VTI1A: variants seen among roughly 807,000 people sequenced by gnomAD.
VTI1A encodes vesicle transport through interaction with t-SNAREs homolog 1A.
In VTI1A, 22 loss-of-function variants were observed where a neutral mutation model predicts 34.9. The observed-to-expected ratio is 0.63, with a 90% confidence interval of 0.45 to 0.90. VTI1A has a LOEUF of 0.90. Ranked by LOEUF, VTI1A falls within the 40% of genes least tolerant of loss-of-function variation. The pLI is 0.00. For missense variants in VTI1A, 268 were observed against 275.6 expected (o/e 0.97, Z 0.20); for synonymous variants, 87 against 97.3 (o/e 0.89, Z 0.62).
chr10:112,526,723 A>G lies in VTI1A; in HGVS notation c.265-364A>G, dbSNP rs577005026. 7.9e-5 allele frequency among the ~76,000 whole-genome samples: 12 copies of G among 152,220 alleles called. No homozygotes were observed. The South Asian group carries it at 1.9e-3, about 24-fold the overall frequency. ...CCACAATATTGAAAAAAAAAAACAT[A>G]TACTCCTGTCTTAAGTACAATCTAG... On this transcript the variant is annotated intron_variant, in intron 3 of 7. Transcript: ENST00000393077.
Position 112,815,565 on chromosome 10 carries a change from T to C in VTI1A, c.*182T>C. 1 of 593,216 alleles carries C rather than the reference T, an allele frequency of 1.7e-6. No homozygotes were observed. Among genetic ancestry groups the C allele is most frequent in the Non-Finnish European group, 3.0e-6 (1 of 333,152 alleles). 36.7% of individuals were successfully genotyped at this position (593,216 alleles called of 1,614,324 possible). A position where few individuals can be genotyped will look rare whatever the true frequency, so the allele number is the denominator to read the frequency against. On this transcript the variant is annotated 3_prime_UTR_variant, in exon 8 of 8. Coordinates refer to ENST00000393077, the MANE Select transcript of VTI1A (RefSeq NM_145206.4). ...TTTCTATTCCTGTTTGCATGTGGGTTGGTTTCCTTTTCGAGGTTTGTCTTC... is the reference window on the plus strand; with the variant it reads ...TTTCTATTCCTGTTTGCATGTGGGTCGGTTTCCTTTTCGAGGTTTGTCTTC...
chr10:112,799,866 C>G (rs1195404323), intron 7 of VTI1A, among the ~76,000 whole-genome samples: 2 of 152,142 alleles, frequency 1.3e-5, no homozygotes, highest in East Asian at 3.9e-4. Flanking sequence ...TTAGCCACAG[C>G]AGGGCACCCC....
intron 3 of VTI1A, among the ~76,000 whole-genome samples, chr10:112,488,293 A>T (rs1005583022): frequency 6.6e-6 from 1 of 152,248 alleles, no homozygotes; most frequent in Non-Finnish European, 1.5e-5. Flanking sequence ...AATTCTAAGT[A>T]AATATTTCTG....
chr10:112,736,808 G>T (rs376371547), intron 7 of VTI1A: 1 of 1,348,854 alleles, frequency 7.4e-7, no homozygotes, highest in East Asian at 2.5e-5. Context: ...ACTCAAACAC[G>T]TATTGTGCCT....
chr10:112,610,918 CAAA>C (rs768295498), intron 5 of VTI1A, among the ~76,000 whole-genome samples: 1 of 120,352 alleles, frequency 8.3e-6, no homozygotes. Context: ...GACTCCATCT[CAAA>C]AAAAAAAAAA....
chr10:112,757,351 AT>A (rs1175362768), intron 7 of VTI1A, among the ~76,000 whole-genome samples: 100 of 40,684 alleles, frequency 2.5e-3, no homozygotes, highest in East Asian at 8.7e-3. Flanking sequence ...TGTTGCTGTG[AT>A]TTTTTTTTTT....
intron 3 of VTI1A, 116 bp from the exon 4 acceptor site, chr10:112,526,969 AAT>A: frequency 3.2e-5 from 27 of 840,888 alleles, no homozygotes; most frequent in Non-Finnish European, 7.4e-6. Context: ...GATTGTAGCC[AAT>A]AGGTTTCCAT....
At chr10:112,615,552 C>T (rs1296675771) in intron 5 of VTI1A, among the ~76,000 whole-genome samples, 3 of 152,076 alleles carry the variant, frequency 2.0e-5, no homozygotes, top group Non-Finnish European at 4.4e-5. Flanking sequence ...CTCCCTGGCC[C>T]TCATGGGCTT....
At chr10:112,717,163 G>A (rs146391814) in intron 7 of VTI1A, among the ~76,000 whole-genome samples, 1 of 152,354 alleles carries the variant, frequency 6.6e-6, no homozygotes, top group African/African-American at 2.4e-5. Context: ...GACTGAGTTG[G>A]AAGCTTACAT....
chr10:112,741,746 C>G (rs1007228877), intron 7 of VTI1A, among the ~76,000 whole-genome samples: 1 of 151,934 alleles, frequency 6.6e-6, no homozygotes, highest in Non-Finnish European at 1.5e-5. Flanking sequence ...AACTTTTTTA[C>G]CAGCGTAGAA....
At chr10:112,527,231 C>A in intron 4 of VTI1A, 67 bp downstream of exon 4, 1 of 1,391,070 alleles carries the variant, frequency 7.2e-7, no homozygotes, top group Non-Finnish European at 1.0e-6. Context: ...GCGCACTGGG[C>A]TCTCAAGCTG....
At chr10:112,510,240 A>G (rs577411322) in intron 3 of VTI1A, among the ~76,000 whole-genome samples, 1 of 152,364 alleles carries the variant, frequency 6.6e-6, no homozygotes, top group South Asian at 2.1e-4. Context: ...TGAGATTTGC[A>G]TTAAGTTCCT....
chr10:112,716,126 A>G (rs1849604296), intron 7 of VTI1A, among the ~76,000 whole-genome samples: 1 of 152,178 alleles, frequency 6.6e-6, no homozygotes, highest in South Asian at 2.1e-4. Context: ...GGCATGGAGG[A>G]TGAGGATCCG....
intron 7 of VTI1A, among the ~76,000 whole-genome samples, chr10:112,804,516 T>G (rs1852995340): frequency 6.6e-6 from 1 of 152,160 alleles, no homozygotes; most frequent in Non-Finnish European, 1.5e-5. Flanking sequence ...CTGGGGTGGT[T>G]TGTGAGTTGG....
At position 112,816,502 on chromosome 10, in the gene VTI1A, C is replaced by G. The variant is rs1421359090; in HGVS notation, c.*1119C>G. On this transcript the variant is annotated 3_prime_UTR_variant, in exon 8 of 8. Transcript: ENST00000393077. ...TGTTAGCAAGCCTTTCTTGAATTCA[C>G]TATGTATTCAAACTTCTAATATGCT... 1.8e-5 allele frequency: 4 copies of G among 223,258 alleles called. No homozygotes were observed. Among genetic ancestry groups the G allele is most frequent in the African/African-American group, 8.9e-5 (4 of 44,800 alleles). 13.8% of individuals were successfully genotyped at this position (223,258 alleles called of 1,614,324 possible).
chr10:112,780,317 T>C (rs917468196), intron 7 of VTI1A, among the ~76,000 whole-genome samples: 2 of 113,964 alleles, frequency 1.8e-5, no homozygotes, highest in Non-Finnish European at 4.0e-5. Flanking sequence ...AATAAATAAA[T>C]AAATAAAATA....
At chr10:112,649,423 A>G (rs1202752106) in intron 5 of VTI1A, among the ~76,000 whole-genome samples, 3 of 152,214 alleles carry the variant, frequency 2.0e-5, no homozygotes, top group Admixed American at 6.5e-5. Flanking sequence ...TACATCACAA[A>G]TAATATCAAT....
intron 7 of VTI1A, among the ~76,000 whole-genome samples, chr10:112,697,865 C>CGTGT (rs762339605): frequency 0.035 from 4,410 of 126,164 alleles, 159 homozygotes; most frequent in African/African-American, 0.097. Flanking sequence ...TTAGCATTTA[C>CGTGT]ATGTGTGTGT....
intron 5 of VTI1A, among the ~76,000 whole-genome samples, chr10:112,616,144 G>C (rs1191649178): frequency 6.6e-6 from 1 of 152,166 alleles, no homozygotes; most frequent in East Asian, 1.9e-4. Context: ...CCCAAAAAGA[G>C]AAAGAGAGAA....
Sources: gnomAD v4.1 joint callset for allele counts (sites outside exome capture counted in the v4.1 genomes callset) on GRCh38, gnomAD v4.1.1 for gene constraint, MANE v1.5 for transcripts, NCBI Gene and HGNC (gene_info 2026-07-23, HGNC 2026-07-21) for gene names.